Variants in NME7 observed in about 807,000 individuals in gnomAD.
NME7 encodes the protein NME/NM23 family member 7.
NME7 carries 41 observed loss-of-function variants against 49.1 expected under a neutral mutation model. The ratio of observed to expected loss-of-function variants is 0.83; its 90% CI spans 0.65 to 1.08. The LOEUF (loss-of-function observed/expected upper bound fraction) is 1.08, where lower values mean the gene tolerates loss of function less well. NME7 is among the 50% of genes least tolerant of loss of function. The pLI is 0.00. For synonymous variants in NME7, 139 were observed against 150.6 expected (o/e 0.92, Z 0.56); for missense variants, 423 against 463.4 (o/e 0.91, Z 0.80).
intron 10 of NME7, among the ~76,000 whole-genome samples, chr1:169,200,574 A>G (rs768331427): frequency 2.0e-5 from 3 of 151,742 alleles, no homozygotes; most frequent in Non-Finnish European, 2.9e-5. Flanking sequence ...ATCCACTCCA[A>G]CCTCCTCTAT....
intron 1 of NME7, among the ~76,000 whole-genome samples, chr1:169,365,498 A>C (rs966657253): frequency 6.6e-6 from 1 of 152,262 alleles, no homozygotes; most frequent in African/African-American, 2.4e-5. Flanking sequence ...GAGGAGGCAT[A>C]CTACCAGTTT....
intron 3 of NME7, among the ~76,000 whole-genome samples, chr1:169,318,546 T>C (rs1315843624): frequency 6.6e-6 from 1 of 152,224 alleles, no homozygotes; most frequent in East Asian, 1.9e-4. Context: ...AATATTGTGT[T>C]AGTGCATACA....
At chr1:169,175,861 T>A (rs1172947228) in intron 10 of NME7, among the ~76,000 whole-genome samples, 2 of 152,144 alleles carry the variant, frequency 1.3e-5, no homozygotes, top group Admixed American at 6.5e-5. Flanking sequence ...TGAAACAATG[T>A]TACAATCATT....
intron 11 of NME7, among the ~76,000 whole-genome samples, chr1:169,156,102 G>C (rs556395552): frequency 1.9e-3 from 279 of 148,138 alleles, no homozygotes; most frequent in Non-Finnish European, 2.8e-3. Context: ...ACGATTGCTT[G>C]AGCCCAGGAG....
rs1046384152 is a variant in NME7, at chr1:169,267,826, T to G, written c.754+19477A>C. ...TAAAACCTAAATAAAACCTAAAACCTAAATAAAAACCCTAAAGGATAACCT... is the reference window on the plus strand; with the variant it reads ...TAAAACCTAAATAAAACCTAAAACCGAAATAAAAACCCTAAAGGATAACCT... On this transcript the variant is annotated intron_variant, in intron 7 of 11. Coordinates refer to ENST00000367811, the MANE Select transcript of NME7 (RefSeq NM_013330.5). 3.0e-5 allele frequency among the ~76,000 whole-genome samples: 4 copies of G among 132,078 alleles called. 1 individual carries two copies. Among genetic ancestry groups the G allele is most frequent in the Non-Finnish European group, 5.4e-5 (3 of 55,934 alleles). The allele number at this position is 132,078 out of a possible 152,430, so 86.6% of individuals were successfully genotyped here.
chr1:169,249,389 T>C (rs1010060689), intron 7 of NME7, among the ~76,000 whole-genome samples: 1 of 152,000 alleles, frequency 6.6e-6, no homozygotes, highest in Non-Finnish European at 1.5e-5. Context: ...TGGAGGAGTA[T>C]TTAGGGTTTT....
intron 4 of NME7, among the ~76,000 whole-genome samples, chr1:169,307,406 A>G (rs964028856): frequency 6.6e-6 from 1 of 152,216 alleles, no homozygotes; most frequent in African/African-American, 2.4e-5. Flanking sequence ...GAAGTGCATA[A>G]CTACAAATGA....
intron 3 of NME7, among the ~76,000 whole-genome samples, chr1:169,318,328 G>A (rs1651729924): frequency 6.6e-6 from 1 of 152,140 alleles, no homozygotes; most frequent in Non-Finnish European, 1.5e-5. Context: ...TAGTAATTTG[G>A]AGGGAAGAAT....
At chr1:169,200,581 C>G (rs776177248) in intron 10 of NME7, among the ~76,000 whole-genome samples, 3 of 152,142 alleles carry the variant, frequency 2.0e-5, no homozygotes, top group Non-Finnish European at 4.4e-5. Context: ...CCAACCTCCT[C>G]TATCAGGCTC....
At chr1:169,283,831 GGCTTCTCTTTGTGGGTAACCCAA>G (rs1650147556) in intron 7 of NME7, 1 of 152,104 alleles carries the variant, frequency 6.6e-6, no homozygotes, top group Non-Finnish European at 1.5e-5. Flanking sequence ...AGTCTGAATG[GGCTTCTCTTTGTGGGTAACCCAA>G]CCTTTCTCTC....
chr1:169,241,839 A>G (rs1313839581), intron 7 of NME7, among the ~76,000 whole-genome samples: 1 of 151,888 alleles, frequency 6.6e-6, no homozygotes, highest in Non-Finnish European at 1.5e-5. Flanking sequence ...ACTTTATAAA[A>G]CTAGTATTAT....
chr1:169,215,453 G>C (rs1284468168), intron 10 of NME7, among the ~76,000 whole-genome samples: 1 of 152,154 alleles, frequency 6.6e-6, no homozygotes, highest in African/African-American at 2.4e-5. Flanking sequence ...AGGTTTTTTG[G>C]CTTGAAGGTG....
intron 8 of NME7, among the ~76,000 whole-genome samples, chr1:169,237,279 C>T (rs1014611667): frequency 6.6e-6 from 1 of 152,094 alleles, no homozygotes; most frequent in African/African-American, 2.4e-5. Context: ...ACAGAAAACT[C>T]ATCACAATTT....
chr1:169,143,397 C>T (rs1658661553), intron 11 of NME7, among the ~76,000 whole-genome samples: 1 of 151,804 alleles, frequency 6.6e-6, no homozygotes, highest in African/African-American at 2.4e-5. Context: ...TACCTTTTTC[C>T]TCAGCTGACA....
chr1:169,251,577 T>C (rs1245301665), intron 7 of NME7, among the ~76,000 whole-genome samples: 14 of 147,402 alleles, frequency 9.5e-5, no homozygotes, highest in South Asian at 2.1e-4. Context: ...TTTTTTATTA[T>C]ACTTTAAGTT....
intron 10 of NME7, among the ~76,000 whole-genome samples, chr1:169,212,780 T>C (rs1213463905): frequency 6.6e-6 from 1 of 151,898 alleles, no homozygotes; most frequent in African/African-American, 2.4e-5. Flanking sequence ...AGCTAAGGTT[T>C]TTTTGTTTTT....
chr1:169,367,495 T>G (rs1479415577), intron 1 of NME7, among the ~76,000 whole-genome samples: 1 of 152,180 alleles, frequency 6.6e-6, no homozygotes, highest in African/African-American at 2.4e-5. Flanking sequence ...GTTTCATTAC[T>G]CTAGAGACTT....
rs1396040195 is a variant in NME7 at position 169,237,615 on chromosome 1, C to T, written c.819+8G>A. On this transcript the variant is annotated splice_region_variant and intron_variant, in intron 8 of 11. Transcript: ENST00000367811. ...CACAAATATTATGGTTCATTGTAAA[C>T]TACCTACCATCTGCATAGCTGAGAT... The T allele has an allele frequency of 2.5e-6, 4 of 1,600,134 alleles. 1 individual carries two copies. In the South Asian group the frequency reaches 4.4e-5, roughly 18 times the overall value.
intron 6 of NME7, among the ~76,000 whole-genome samples, chr1:169,288,334 G>T (rs1236029109): frequency 2.6e-5 from 4 of 152,244 alleles, no homozygotes; most frequent in East Asian, 3.9e-4. Flanking sequence ...ATACACAAGG[G>T]ATTGGTACTC....
Sources: allele counts gnomAD v4.1 joint callset (sites outside exome capture counted in the v4.1 genomes callset), GRCh38; gene constraint gnomAD v4.1.1; transcripts MANE v1.5; gene names NCBI Gene and HGNC (gene_info 2026-07-23, HGNC 2026-07-21).